Variants in MACO1 observed in about 807,000 individuals in gnomAD.
The protein encoded by MACO1 is macoilin 1.
MACO1 carries 14 observed loss-of-function variants against 78.7 expected under a neutral mutation model. That is an observed-to-expected ratio of 0.18 (90% CI 0.12 to 0.28). The LOEUF (loss-of-function observed/expected upper bound fraction) is 0.28, where lower values mean the gene tolerates loss of function less well. Among genes scored for constraint, MACO1 ranks in the 10% least tolerant of loss-of-function variants. MACO1 has a pLI of 1.00. For missense variants in MACO1, 501 were observed against 799.0 expected (o/e 0.63, Z 4.50); for synonymous variants, 288 against 291.6 (o/e 0.99, Z 0.12).
At chr1:25,473,400 G>A (rs534487280) in intron 6 of MACO1, among the ~76,000 whole-genome samples, 50 of 152,184 alleles carry the variant, frequency 3.3e-4, no homozygotes, top group African/African-American at 1.1e-3. Flanking sequence ...ATATCTAAGA[G>A]GCCAAACAGG....
intron 6 of MACO1, among the ~76,000 whole-genome samples, chr1:25,461,469 T>C (rs1473492451): frequency 6.6e-6 from 1 of 152,192 alleles, no homozygotes; most frequent in African/African-American, 2.4e-5. Flanking sequence ...CTTGGGCATA[T>C]TATTTGACCC....
intron 8 of MACO1, among the ~76,000 whole-genome samples, chr1:25,486,980 C>T (rs1253084380): frequency 6.6e-6 from 1 of 152,120 alleles, no homozygotes; most frequent in Non-Finnish European, 1.5e-5. Context: ...CAGCACCTGC[C>T]CTTTCTGAAA....
rs2043420344 is a variant in MACO1, at chr1:25,485,364, A to G, written c.1314-249A>G. Among the ~76,000 whole-genome samples, 1 of 152,138 alleles carries G rather than the reference A, an allele frequency of 6.6e-6. No homozygotes were observed. The highest frequency in any genetic ancestry group is 1.5e-5 in the Non-Finnish European group (1 of 68,016). On this transcript the variant is annotated intron_variant, in intron 7 of 10. Transcript: ENST00000374343. The surrounding 1 kb of genome is among the most constrained non-coding windows in gnomAD (Gnocchi z 4.3). ...CTGTTTTCTGGATGACCTTTTGTAG[A>G]TCACTTACTTGAACAGAGCAGAGGC...
At chr1:25,481,726 A>C (rs181279181) in intron 6 of MACO1, among the ~76,000 whole-genome samples, 2 of 152,342 alleles carry the variant, frequency 1.3e-5, no homozygotes. Flanking sequence ...TGTTTAGAGC[A>C]GTTCTGAGAG....
intron 6 of MACO1, among the ~76,000 whole-genome samples, chr1:25,466,528 G>C (rs2043220892): frequency 6.6e-6 from 1 of 152,126 alleles, no homozygotes; most frequent in African/African-American, 2.4e-5. Flanking sequence ...GGTCAGGCTG[G>C]TCTCAAACTC....
chr1:25,432,214 G>A (rs1052149469), intron 1 of MACO1, among the ~76,000 whole-genome samples: 1 of 152,174 alleles, frequency 6.6e-6, no homozygotes, highest in African/African-American at 2.4e-5. Context: ...CTAGCTGTGG[G>A]ATTTCAAGAA....
At chr1:25,464,001 A>G (rs2124590894) in intron 6 of MACO1, among the ~76,000 whole-genome samples, 1 of 150,190 alleles carries the variant, frequency 6.7e-6, no homozygotes, top group South Asian at 2.1e-4. Context: ...CTCCATTGAC[A>G]CATCATTATC....
chr1:25,452,992 G>A (rs2043081217), intron 3 of MACO1, among the ~76,000 whole-genome samples: 1 of 147,156 alleles, frequency 6.8e-6, no homozygotes, highest in Non-Finnish European at 1.5e-5. Context: ...ACCACGCCTG[G>A]CCCTACAGTG....
chr1:25,481,211 T>C lies in MACO1; in HGVS notation c.1155-2905T>C, dbSNP rs145100873. Reference sequence around the variant, plus strand: ...ATTTAATTTTTCTTTCATTCCCAACTGTGGCATATGTTTTTCCCCAGCGAC... The same window carrying C: ...ATTTAATTTTTCTTTCATTCCCAACCGTGGCATATGTTTTTCCCCAGCGAC... On this transcript the variant is annotated intron_variant, in intron 6 of 10. Coordinates refer to ENST00000374343, the MANE Select transcript of MACO1 (RefSeq NM_018202.6). Among the ~76,000 whole-genome samples, 208 of 152,242 alleles carry C rather than the reference T, an allele frequency of 1.4e-3. 1 individual carries two copies. The highest frequency in any genetic ancestry group is 4.1e-3 in the African/African-American group (169 of 41,532).
Position 25,484,086 on chromosome 1 carries a change from A to G in MACO1, c.1155-30A>G, listed in dbSNP as rs764735215. ...CAGCTCTGTGGGTGCCCTCACCTAG[A>G]TGAAAATGCTGCATTTCTCATTCTC... On this transcript the variant is annotated intron_variant, in intron 6 of 10. Coordinates refer to ENST00000374343, the MANE Select transcript of MACO1 (RefSeq NM_018202.6). The G allele has an allele frequency of 6.3e-6, 10 of 1,587,606 alleles. No individual in the cohort carries two copies. The Admixed American group carries it at 1.6e-4, about 25-fold the overall frequency.
intron 1 of MACO1, among the ~76,000 whole-genome samples, chr1:25,434,483 T>C (rs558597227): frequency 4.6e-5 from 7 of 152,352 alleles, no homozygotes; most frequent in African/African-American, 1.7e-4. Flanking sequence ...TACAGTCTAG[T>C]AGGCCGTAGT....
At position 25,458,387 on chromosome 1, in the gene MACO1, G is replaced by A; in HGVS notation, c.653-4G>A. ...TGTTTGTTGGTTTGTTTTTGGTATT[G>A]TAGCAGCCAAAGGATTACCTGATAT... On this transcript the variant is annotated splice_polypyrimidine_tract_variant and splice_region_variant and intron_variant, in intron 5 of 10. Coordinates refer to ENST00000374343, the MANE Select transcript of MACO1 (RefSeq NM_018202.6). 1 of 1,566,740 alleles carries A rather than the reference G, an allele frequency of 6.4e-7. No individual in the cohort carries two copies.
intron 3 of MACO1, among the ~76,000 whole-genome samples, chr1:25,449,829 G>A (rs1173476187): frequency 1.3e-5 from 2 of 152,190 alleles, no homozygotes; most frequent in African/African-American, 4.8e-5. Context: ...AACCAACCTG[G>A]TCAACATGGT....
chr1:25,498,125 G>A, intron 10 of MACO1, 139 bp from the exon 11 acceptor site: 2 of 744,946 alleles, frequency 2.7e-6, no homozygotes, highest in South Asian at 1.8e-5. Flanking sequence ...CCCATTACAG[G>A]ACAAGTTTGC....
intron 1 of MACO1, among the ~76,000 whole-genome samples, chr1:25,437,174 G>A (rs997437126): frequency 2.0e-5 from 3 of 146,510 alleles, no homozygotes; most frequent in Non-Finnish European, 4.5e-5. Context: ...TCATTCTGTC[G>A]CCCAGGCTGG....
chr1:25,494,679 G>T (rs969263177), intron 10 of MACO1, among the ~76,000 whole-genome samples: 3 of 152,136 alleles, frequency 2.0e-5, no homozygotes, highest in African/African-American at 7.2e-5. Flanking sequence ...TGGGGAGGGC[G>T]GACGGGCCAG....
At chr1:25,482,757 G>A (rs1461491373) in intron 6 of MACO1, among the ~76,000 whole-genome samples, 1 of 152,174 alleles carries the variant, frequency 6.6e-6, no homozygotes, top group Non-Finnish European at 1.5e-5. Flanking sequence ...ATGACCTTGG[G>A]CTGCATCCTT....
intron 1 of MACO1, among the ~76,000 whole-genome samples, chr1:25,434,430 G>A (rs572960754): frequency 3.5e-4 from 54 of 152,280 alleles, no homozygotes; most frequent in Middle Eastern, 3.4e-3. Context: ...AGGGAATTGC[G>A]GAGGATACAG....
chr1:25,484,209 C>T lies in MACO1; in HGVS notation c.1248C>T (p.Ser416=), dbSNP rs368631434. The stretch of plus-strand genomic sequence containing the variant: ...GCAGTCAGATCAGCTCCCTTTCGAG[C>T]ACCGAGCGAGGGATCCGCTCAGAAA... ...ELRSQISSLS[S]TERGIRSEMG... is the part of the protein sequence containing the mutation. Residue 416 remains serine (S), a synonymous_variant, in exon 7 of 11, where the codon AGC becomes AGT. Coordinates refer to ENST00000374343, the MANE Select transcript of MACO1 (RefSeq NM_018202.6). 6.2e-7 allele frequency: 1 copy of T among 1,613,962 alleles called. No individual in the cohort carries two copies. The highest frequency in any genetic ancestry group is 8.5e-7 in the Non-Finnish European group (1 of 1,179,986).
Sources: allele counts gnomAD v4.1 joint callset (sites outside exome capture counted in the v4.1 genomes callset), GRCh38; gene constraint gnomAD v4.1.1; non-coding constraint Gnocchi (gnomAD v3.1); transcripts MANE v1.5; gene names NCBI Gene and HGNC (gene_info 2026-07-23, HGNC 2026-07-21).